SMG7: variants seen among roughly 807,000 people sequenced by gnomAD.
SMG7 encodes the protein nonsense-mediated mRNA decay factor SMG7.
In SMG7, 34 loss-of-function variants were observed where a neutral mutation model predicts 148.2. The observed-to-expected ratio is 0.23, with a 90% CI of 0.17 to 0.31. SMG7 has a LOEUF of 0.31. Ranked by LOEUF, SMG7 falls within the 10% of genes least tolerant of loss-of-function variation. The pLI is 1.00. For synonymous variants in SMG7, 492 were observed against 515.1 expected, an observed-to-expected ratio of 0.96 and a Z score of 0.61; for missense variants, 1,114 against 1,408.4, an observed-to-expected ratio of 0.79 and a Z score of 3.35.
At position 183,541,013 on chromosome 1, in the gene SMG7, G is replaced by GTAT. The variant is rs1558049970; in HGVS notation, c.1328_1330dup (p.Ile443dup). ...TTGGATTTTTCCAAAGGTCACCAGGGTATTACAGGGGACAAAGAAGGCCAG... is the reference window on the plus strand; with the variant it reads ...TTGGATTTTTCCAAAGGTCACCAGGGTATTATTACAGGGGACAAAGAAGGCCAG... On this transcript the variant is annotated inframe_insertion, in exon 13 of 23. Transcript: ENST00000688051. 6.2e-7 allele frequency: 1 copy of GTAT among 1,613,312 alleles called. No homozygotes were observed. Among genetic ancestry groups the GTAT allele is most frequent in the Admixed American group, 1.7e-5 (1 of 60,014 alleles).
chr1:183,480,751 A>G (rs567959062), intron 1 of SMG7, among the ~76,000 whole-genome samples: 4 of 152,308 alleles, frequency 2.6e-5, no homozygotes, highest in Admixed American at 2.6e-4. Context: ...TTTAGCATCA[A>G]GATTTCATGA....
At chr1:183,495,153 A>G (rs1658168798) in intron 1 of SMG7, among the ~76,000 whole-genome samples, 1 of 151,778 alleles carries the variant, frequency 6.6e-6, no homozygotes, top group Non-Finnish European at 1.5e-5. Flanking sequence ...CTTAGGTAAT[A>G]TATATATATT....
rs763856853 is a variant in SMG7, at chr1:183,525,595, G to A, written c.313-1001G>A. On this transcript the variant is annotated intron_variant, in intron 4 of 22. Coordinates refer to ENST00000688051, the MANE Select transcript of SMG7 (RefSeq NM_001375584.1). Reference sequence around the variant, plus strand: ...GTTCTTGTTTTTTTCTGTGGGAGACGTGGTGTGTAGGCCATAGGAAAGAAG... The same window carrying A: ...GTTCTTGTTTTTTTCTGTGGGAGACATGGTGTGTAGGCCATAGGAAAGAAG... Among the ~76,000 whole-genome samples, 12 of 152,062 alleles carry A rather than the reference G, an allele frequency of 7.9e-5. No homozygotes were observed. In the East Asian group the frequency reaches 1.2e-3, roughly 15 times the overall value.
At position 183,547,272 on chromosome 1, in the gene SMG7, C is replaced by T. The variant is rs1445309898; in HGVS notation, c.2892+20C>T. The T allele has an allele frequency of 1.3e-6, 2 of 1,545,212 alleles. No homozygotes were observed. The highest frequency in any genetic ancestry group is 1.2e-5 in the South Asian group (1 of 83,454). ...CTTTTTGTATGTATTTGACATAATT[C>T]TGCTTCTTGGTCTAACCCCCAGCTG... is the stretch of plus-strand genomic sequence containing the variant. On this transcript the variant is annotated intron_variant, in intron 18 of 22. Coordinates refer to ENST00000688051, the MANE Select transcript of SMG7 (RefSeq NM_001375584.1).
chr1:183,540,749 TGA>T lies in SMG7; in HGVS notation c.1296-233_1296-232del, dbSNP rs1668673591. Among the ~76,000 whole-genome samples, 4 of 152,350 alleles carry T rather than the reference TGA, an allele frequency of 2.6e-5. No homozygotes were observed. In the South Asian group the frequency reaches 8.3e-4, roughly 32 times the overall value. On this transcript the variant is annotated intron_variant, in intron 12 of 22. Coordinates refer to ENST00000688051, the MANE Select transcript of SMG7 (RefSeq NM_001375584.1). ...AGCTCCCTGACTAGAAAGTGAAATG[TGA>T]GTAAAAATATTACATTAATGTAATG...
chr1:183,524,316 T>A (rs559972205), intron 4 of SMG7, among the ~76,000 whole-genome samples: 23 of 152,314 alleles, frequency 1.5e-4, no homozygotes, highest in African/African-American at 5.3e-4. Flanking sequence ...AGACAGATTC[T>A]TGCTTTGCTG....
rs1027469148 is a variant in SMG7, at chr1:183,552,685, C to T, written c.*754C>T. On this transcript the variant is annotated 3_prime_UTR_variant, in exon 23 of 23. Coordinates refer to ENST00000688051, the MANE Select transcript of SMG7 (RefSeq NM_001375584.1). ...CGAGGATACAGTGTGGGTGGTGGTG[C>T]TGGGCTGGACTAGCAGGTAGACTGC... is the stretch of plus-strand genomic sequence containing the variant. The T allele has an allele frequency of 7.7e-5, 92 of 1,194,188 alleles. No individual in the cohort carries two copies. Among genetic ancestry groups the T allele is most frequent in the Middle Eastern group, 3.5e-4 (1 of 2,862 alleles). The allele number at this position is 1,194,188 out of a possible 1,614,324, so 74.0% of individuals were successfully genotyped here. A position where few individuals can be genotyped will look rare whatever the true frequency, so the allele number is the denominator to read the frequency against.
In SMG7 at chr1:183,500,968, A is replaced by G. The variant is rs75902945; in HGVS notation, c.30-11869A>G. 5.7e-3 allele frequency among the ~76,000 whole-genome samples: 863 copies of G among 152,306 alleles called. 9 individuals carry two copies. The highest frequency in any genetic ancestry group is 0.02 in the African/African-American group (830 of 41,560). ...GAGATTGAATACATGCTTTGGAAGT[A>G]TGGCAGCAAAGTGCGCATAGACCTG... On this transcript the variant is annotated intron_variant, in intron 1 of 22. Transcript: ENST00000688051.
intron 12 of SMG7, 25 bp downstream of exon 12, chr1:183,538,465 A>G: frequency 6.7e-7 from 1 of 1,493,358 alleles, no homozygotes; most frequent in Non-Finnish European, 9.3e-7. Context: ...AAGTACCTTT[A>G]TCATTGCCAG....
intron 1 of SMG7, among the ~76,000 whole-genome samples, chr1:183,505,666 A>G (rs1428618816): frequency 6.6e-6 from 1 of 152,160 alleles, no homozygotes; most frequent in East Asian, 1.9e-4. Context: ...TTTTTAGTGA[A>G]CAGCTGCTAC....
At chr1:183,546,966 T>G (rs1670030899) in intron 17 of SMG7, 137 bp from the exon 18 acceptor site, 1 of 846,272 alleles carries the variant, frequency 1.2e-6, no homozygotes, top group Non-Finnish European at 1.7e-6. Context: ...TTTCAGAGCG[T>G]TTTTTCTCTT....
intron 1 of SMG7, among the ~76,000 whole-genome samples, chr1:183,493,280 T>C (rs1657529381): frequency 6.6e-6 from 1 of 152,224 alleles, no homozygotes; most frequent in African/African-American, 2.4e-5. Context: ...CGGCAACCTA[T>C]GATTATTTAG....
At chr1:183,551,541 T>C (rs1671051523) in intron 22 of SMG7, among the ~76,000 whole-genome samples, 1 of 152,214 alleles carries the variant, frequency 6.6e-6, no homozygotes, top group African/African-American at 2.4e-5. Context: ...GAAAACTTTA[T>C]AGTAAATGCC....
chr1:183,541,190 C>G, intron 13 of SMG7, 87 bp downstream of exon 13: 1 of 1,159,508 alleles, frequency 8.6e-7, no homozygotes, highest in Admixed American at 2.2e-5. Context: ...ACACACACAT[C>G]TCATATGTTA....
At chr1:183,525,813 T>C (rs560190788) in intron 4 of SMG7, among the ~76,000 whole-genome samples, 1 of 152,240 alleles carries the variant, frequency 6.6e-6, no homozygotes, top group East Asian at 1.9e-4. Flanking sequence ...TACGGTGAGA[T>C]TCGTTGTATA....
chr1:183,483,734 A>G (rs960325144), intron 1 of SMG7, among the ~76,000 whole-genome samples: 5 of 152,164 alleles, frequency 3.3e-5, no homozygotes, highest in Non-Finnish European at 7.4e-5. Flanking sequence ...GTCTGAAATA[A>G]TCATTAGTTT....
intron 3 of SMG7, 176 bp downstream of exon 3, chr1:183,516,167 T>C (rs1013704124): frequency 1.3e-5 from 7 of 555,588 alleles, no homozygotes; most frequent in Admixed American, 3.2e-5. Flanking sequence ...ATACAGTCTT[T>C]GGAGGAGGTA....
chr1:183,477,927 G>A (rs892709592), intron 1 of SMG7, among the ~76,000 whole-genome samples: 5 of 152,024 alleles, frequency 3.3e-5, no homozygotes, highest in African/African-American at 9.7e-5. Context: ...ACAGCCACAG[G>A]GTTGTTTTCT....
chr1:183,547,174 G>C lies in SMG7; in HGVS notation c.2814G>C (p.Glu938Asp). ...TGGCTGCCTTGGAGGAAGAGGAAGAGCTGATTTTTTCTAACCCTCCTGATC... is the reference window on the plus strand; with the variant it reads ...TGGCTGCCTTGGAGGAAGAGGAAGACCTGATTTTTTCTAACCCTCCTGATC... ...KSLAALEEEE[E>D]LIFSNPPDLY... is the part of the protein sequence containing the mutation. Residue 938 changes from glutamate (E) to aspartate (D), a missense_variant, in exon 18 of 23, where the codon GAG becomes GAC. Coordinates refer to ENST00000688051, the MANE Select transcript of SMG7 (RefSeq NM_001375584.1). 1.3e-6 allele frequency: 2 copies of C among 1,550,446 alleles called. No individual in the cohort carries two copies. Among genetic ancestry groups the C allele is most frequent in the Non-Finnish European group, 1.7e-6 (2 of 1,146,902 alleles).
Sources: gnomAD v4.1 joint callset for allele counts (sites outside exome capture counted in the v4.1 genomes callset) on GRCh38, gnomAD v4.1.1 for gene constraint, MANE v1.5 for transcripts, NCBI Gene and HGNC (gene_info 2026-07-23, HGNC 2026-07-21) for gene names.